PALS2: variants seen among roughly 807,000 people sequenced by gnomAD.
PALS2 encodes protein PALS2.
A neutral mutation model predicts 61.6 loss-of-function variants in PALS2; 27 were observed. The observed-to-expected ratio is 0.44, with a 90% CI of 0.32 to 0.60. The LOEUF is 0.60. Ranked by LOEUF, PALS2 falls within the 20% of genes least tolerant of loss-of-function variation. The probability of loss-of-function intolerance (pLI) is 0.05; values close to 1 mark genes in which losing one functional copy is unlikely to be tolerated. For missense variants in PALS2, 554 were observed against 639.4 expected, an observed-to-expected ratio of 0.87 and a Z score of 1.44; for synonymous variants, 236 against 218.6, an observed-to-expected ratio of 1.08 and a Z score of -0.70.
chr7:24,634,539 A>G (rs1037535644), intron 2 of PALS2, among the ~76,000 whole-genome samples: 1 of 152,040 alleles, frequency 6.6e-6, no homozygotes, highest in African/African-American at 2.4e-5. Flanking sequence ...TGAAGCACAG[A>G]AGCTTTTAAT....
At position 24,596,537 on chromosome 7, in the gene PALS2, C is replaced by G. The variant is rs570322737; in HGVS notation, c.-3+22944C>G. 6.6e-6 allele frequency among the ~76,000 whole-genome samples: 1 copy of G among 152,164 alleles called. No homozygotes were observed. Among genetic ancestry groups the G allele is most frequent in the East Asian group, 1.9e-4 (1 of 5,184 alleles). ...ATGAATGTTTATTAGGTGTGTAAAA[C>G]ATTTTCAAACAATTTTGATTCATTA... On this transcript the variant is annotated intron_variant, in intron 1 of 11. Transcript: ENST00000222644. The surrounding 1 kb of genome is among the most constrained non-coding windows in gnomAD (Gnocchi z 4.5).
chr7:24,593,077 A>G (rs1029494838), intron 1 of PALS2, among the ~76,000 whole-genome samples: 2 of 152,108 alleles, frequency 1.3e-5, no homozygotes, highest in African/African-American at 4.8e-5. Context: ...AAACCCTGCT[A>G]CTTTACCAGC....
intron 1 of PALS2, among the ~76,000 whole-genome samples, chr7:24,612,843 G>C (rs929462255): frequency 1.3e-5 from 2 of 151,720 alleles, no homozygotes; most frequent in Admixed American, 6.6e-5. Context: ...TAAACTACAA[G>C]TTTGAAAAGT....
chr7:24,663,742 T>G (rs1340682801), intron 6 of PALS2, 21 bp downstream of exon 6: 4 of 1,596,100 alleles, frequency 2.5e-6, no homozygotes, highest in Non-Finnish European at 3.4e-6. Flanking sequence ...TTCTCAGAAG[T>G]TCCTCAGCTA....
rs551547920 is a variant in PALS2, at chr7:24,692,041, T to A, written c.*4427T>A. 6.6e-6 allele frequency: 1 copy of A among 152,262 alleles called. No homozygotes were observed. The highest frequency in any genetic ancestry group is 2.1e-4 in the South Asian group (1 of 4,832). The allele number at this position is 152,262 out of a possible 1,614,324, so 9.4% of individuals were successfully genotyped here. A position where few individuals can be genotyped will look rare whatever the true frequency, so the allele number is the denominator to read the frequency against. On this transcript the variant is annotated 3_prime_UTR_variant, in exon 12 of 12. Coordinates refer to ENST00000222644, the MANE Select transcript of PALS2 (RefSeq NM_001303037.2). ...TTTTTAAGGTAAGGTTATTTTTAAA[T>A]TGCATTTTTGTTCTAACGTTTTGCA...
intron 1 of PALS2, among the ~76,000 whole-genome samples, chr7:24,578,194 T>C (rs1583819623): frequency 1.3e-5 from 2 of 152,192 alleles, no homozygotes; most frequent in East Asian, 3.8e-4. Context: ...CAAGGGATTC[T>C]CTCGCCTCAG....
chr7:24,663,774 A>C, intron 6 of PALS2, 53 bp downstream of exon 6: 13 of 1,529,318 alleles, frequency 8.5e-6, no homozygotes, highest in Non-Finnish European at 1.1e-5. Flanking sequence ...TTAATCTTAG[A>C]TCTGATCAAT....
chr7:24,623,758 A>G lies in PALS2; in HGVS notation c.91A>G (p.Asn31Asp). 1 of 1,589,546 alleles carries G rather than the reference A, an allele frequency of 6.3e-7. No homozygotes were observed. The highest frequency in any genetic ancestry group is 8.6e-7 in the Non-Finnish European group (1 of 1,162,256). ...DLIFLKGIME[N>D]PIVKSLAKAH... The stretch of plus-strand genomic sequence containing the variant: ...AATTTTCCTCAAGGGAATTATGGAG[A>G]ATCCTATTGTAAAATCACTTGCTAA... Residue 31 changes from asparagine (N) to aspartate (D), a missense_variant, in exon 2 of 12, where the codon AAT becomes GAT. Physicochemically the swap from Asn to Asp is conservative, Grantham distance 23 (BLOSUM62 1). Coordinates refer to ENST00000222644, the MANE Select transcript of PALS2 (RefSeq NM_001303037.2).
At position 24,689,016 on chromosome 7, in the gene PALS2, G is replaced by A. The variant is rs1788345878; in HGVS notation, c.*1402G>A. 6.6e-6 allele frequency: 1 copy of A among 152,114 alleles called. No homozygotes were observed. The highest frequency in any genetic ancestry group is 1.5e-5 in the Non-Finnish European group (1 of 68,050). 9.4% of individuals were successfully genotyped at this position (152,114 alleles called of 1,614,324 possible). On this transcript the variant is annotated 3_prime_UTR_variant, in exon 12 of 12. Transcript: ENST00000222644. ...TTTAGTACAGATGGGGTTTCACCATGTTGGCCAGGGTGGTCTCGAGCTCCT... is the reference window on the plus strand; with the variant it reads ...TTTAGTACAGATGGGGTTTCACCATATTGGCCAGGGTGGTCTCGAGCTCCT...
chr7:24,605,576 T>C (rs958985222), intron 1 of PALS2, among the ~76,000 whole-genome samples: 2 of 151,974 alleles, frequency 1.3e-5, no homozygotes, highest in Non-Finnish European at 2.9e-5. Flanking sequence ...TATGTAAATA[T>C]GTAAGAATAG....
intron 2 of PALS2, among the ~76,000 whole-genome samples, chr7:24,635,317 A>G (rs1308854406): frequency 6.6e-6 from 1 of 152,036 alleles, no homozygotes; most frequent in Non-Finnish European, 1.5e-5. Flanking sequence ...TGCTGTTATG[A>G]ATGGATTTGT....
intron 2 of PALS2, among the ~76,000 whole-genome samples, chr7:24,637,399 A>G (rs577106009): frequency 1.2e-4 from 17 of 145,948 alleles, no homozygotes; most frequent in African/African-American, 2.5e-5. Context: ...TCTCATTTCT[A>G]CTTTCTGCTC....
intron 1 of PALS2, among the ~76,000 whole-genome samples, chr7:24,599,252 G>A (rs191137062): frequency 1.3e-5 from 2 of 152,254 alleles, no homozygotes; most frequent in African/African-American, 4.8e-5. Flanking sequence ...CATGAATGGA[G>A]CTTGCAGAAC....
chr7:24,677,819 G>A (rs572850353), intron 9 of PALS2, among the ~76,000 whole-genome samples: 2 of 152,088 alleles, frequency 1.3e-5, no homozygotes, highest in African/African-American at 2.4e-5. Flanking sequence ...AGTCTAAGAC[G>A]ACCACTCTCA....
intron 11 of PALS2, among the ~76,000 whole-genome samples, chr7:24,683,163 G>A (rs954928439): frequency 1.3e-5 from 2 of 152,122 alleles, no homozygotes; most frequent in Non-Finnish European, 2.9e-5. Context: ...TTTAGGGATG[G>A]CAAGGTGGTA....
At position 24,679,243 on chromosome 7, in the gene PALS2, A is replaced by T. The variant is rs771214168; in HGVS notation, c.1227A>T (p.Glu409Asp). The change falls in exon 10 of 12, where the codon GAA becomes GAT. Residue 409 changes from glutamate to aspartate, a missense_variant. Glu to Asp is a conservative substitution (Grantham distance 45). Coordinates refer to ENST00000222644, the MANE Select transcript of PALS2 (RefSeq NM_001303037.2). Reference sequence around the variant, plus strand: ...CTGGAAAGTATTTGGAACATGGGGAATATGAAGGAAATCTCTATGGAACCA... The same window carrying T: ...CTGGAAAGTATTTGGAACATGGGGATTATGAAGGAAATCTCTATGGAACCA... ...IKAGKYLEHGEYEGNLYGTKI... is the reference protein window; with the variant it reads ...IKAGKYLEHGDYEGNLYGTKI... 18 of 1,614,036 alleles carry T rather than the reference A, an allele frequency of 1.1e-5. No individual in the cohort carries two copies. Among genetic ancestry groups the T allele is most frequent in the Non-Finnish European group, 1.4e-5 (17 of 1,179,890 alleles).
chr7:24,665,375 C>G (rs1455887384), intron 6 of PALS2, among the ~76,000 whole-genome samples: 1 of 152,124 alleles, frequency 6.6e-6, no homozygotes, highest in African/African-American at 2.4e-5. Context: ...CATTTCACTA[C>G]CAGATGACAG....
rs1786073252 is a variant in PALS2, at chr7:24,650,314, A to G, written c.424-171A>G. Among the ~76,000 whole-genome samples the G allele has an allele frequency of 3.3e-5, 5 of 152,190 alleles. No individual in the cohort carries two copies. The South Asian group carries it at 1.0e-3, about 32-fold the overall frequency. ...ATCCTATCCACTAGTGTAATAAACT[A>G]TACTAGTACACAGTTTAATGGGAGT... On this transcript the variant is annotated intron_variant, in intron 4 of 11. Coordinates refer to ENST00000222644, the MANE Select transcript of PALS2 (RefSeq NM_001303037.2).
intron 1 of PALS2, among the ~76,000 whole-genome samples, chr7:24,583,515 A>T (rs1782929645): frequency 6.6e-6 from 1 of 152,082 alleles, no homozygotes; most frequent in Non-Finnish European, 1.5e-5. Flanking sequence ...TCCATTCACC[A>T]TTACTTTCTT....
Sources: gnomAD v4.1 joint callset for allele counts (sites outside exome capture counted in the v4.1 genomes callset) on GRCh38, gnomAD v4.1.1 for gene constraint, Gnocchi (gnomAD v3.1) non-coding constraint, MANE v1.5 for transcripts, NCBI Gene and HGNC (gene_info 2026-07-23, HGNC 2026-07-21) for gene names.